PARD3B: variants seen among roughly 807,000 people sequenced by gnomAD.
The protein encoded by PARD3B is par-3 family cell polarity regulator beta, also known as partitioning defective 3 homolog B.
Under a neutral mutation model 130.2 loss-of-function variants are expected in PARD3B, and 103 were observed. That is an observed-to-expected ratio of 0.79 (90% CI 0.67 to 0.93). The LOEUF is 0.93. PARD3B is among the 40% of genes least tolerant of loss of function. The pLI is 0.00. For missense variants in PARD3B, 1,609 were observed against 1,499.2 expected (o/e 1.07, Z -1.21); for synonymous variants, 583 against 553.2 (o/e 1.05, Z -0.76).
intron 1 of PARD3B, among the ~76,000 whole-genome samples, chr2:204,680,622 T>TA (rs1398965616): frequency 2.0e-5 from 3 of 152,236 alleles, no homozygotes; most frequent in Non-Finnish European, 4.4e-5. Context: ...CAATTTTTTT[T>TA]ACTTGTTAAT....
At chr2:205,377,512 C>A (rs2045108464) in intron 18 of PARD3B, among the ~76,000 whole-genome samples, 1 of 151,964 alleles carries the variant, frequency 6.6e-6, no homozygotes, top group African/African-American at 2.4e-5. Flanking sequence ...GGGAAAGAAC[C>A]AGCACCCAGA....
intron 21 of PARD3B, among the ~76,000 whole-genome samples, chr2:205,505,315 C>T (rs1463258744): frequency 1.3e-5 from 2 of 152,024 alleles, no homozygotes; most frequent in African/African-American, 2.4e-5. Flanking sequence ...GGGTGCAGCA[C>T]ACGAACATGG....
intron 3 of PARD3B, among the ~76,000 whole-genome samples, chr2:205,036,443 CTATA>C (rs568692497): frequency 2.8e-5 from 4 of 145,196 alleles, no homozygotes; most frequent in African/African-American, 5.0e-5. Context: ...ATATAGTGGA[CTATA>C]TATATAAAAA....
chr2:205,211,833 C>T (rs947863069), intron 15 of PARD3B, among the ~76,000 whole-genome samples: 2 of 152,118 alleles, frequency 1.3e-5, no homozygotes, highest in African/African-American at 4.8e-5. Flanking sequence ...AATCCCCAGT[C>T]CCCAAACGCT....
rs849111 is a variant in PARD3B at position 205,140,472 on chromosome 2, A to G, written c.1434+14735A>G. Among the ~76,000 whole-genome samples, 1,050 of 149,592 alleles carry G rather than the reference A, an allele frequency of 7.0e-3. 20 individuals are homozygous for G. The highest frequency in any genetic ancestry group is 0.024 in the African/African-American group (992 of 40,724). ...CCAGAGAGTGAAAAAAAAAAAAAAA[A>G]AGGAAGACCGTTCCTTTTTTTTTTT... is the stretch of plus-strand genomic sequence containing the variant. On this transcript the variant is annotated intron_variant, in intron 10 of 22. Transcript: ENST00000406610.
intron 1 of PARD3B, among the ~76,000 whole-genome samples, chr2:204,649,114 T>C (rs1181853204): frequency 1.4e-5 from 2 of 145,936 alleles, no homozygotes; most frequent in Non-Finnish European, 3.0e-5. Flanking sequence ...AAGACAATTT[T>C]AAATCATTGT....
intron 21 of PARD3B, among the ~76,000 whole-genome samples, chr2:205,529,968 G>A (rs2051515197): frequency 6.6e-6 from 1 of 152,060 alleles, no homozygotes; most frequent in Admixed American, 6.6e-5. Context: ...TAGCATGAAC[G>A]AAAAATCATA....
intron 19 of PARD3B, among the ~76,000 whole-genome samples, chr2:205,437,340 T>G (rs1478246708): frequency 6.6e-6 from 1 of 152,178 alleles, no homozygotes; most frequent in African/African-American, 2.4e-5. Flanking sequence ...CTGACAGATA[T>G]GACAGAAATA....
chr2:205,494,100 A>G (rs2049837180), intron 20 of PARD3B, among the ~76,000 whole-genome samples: 1 of 152,022 alleles, frequency 6.6e-6, no homozygotes, highest in African/African-American at 2.4e-5. Context: ...AAATCTGGAC[A>G]CCAGGCTGGT....
At chr2:204,563,551 A>G (rs1475774376) in intron 1 of PARD3B, among the ~76,000 whole-genome samples, 1 of 151,778 alleles carries the variant, frequency 6.6e-6, no homozygotes, top group Non-Finnish European at 1.5e-5. Flanking sequence ...TTACAATGTT[A>G]CTCTCTTTAT....
chr2:205,256,661 T>G (rs2040100197), intron 16 of PARD3B, among the ~76,000 whole-genome samples: 1 of 152,116 alleles, frequency 6.6e-6, no homozygotes, highest in Non-Finnish European at 1.5e-5. Flanking sequence ...ATTTTTAAAC[T>G]TAAACCATCA....
rs559010848 is a variant in PARD3B, at chr2:205,019,127, T to G, written c.395-28454T>G. Among the ~76,000 whole-genome samples, 3 of 152,232 alleles carry G rather than the reference T, an allele frequency of 2.0e-5. No homozygotes were observed. The East Asian group carries it at 5.8e-4, about 29-fold the overall frequency. ...GAAACCCTGTACTTCTTAGCAATAC[T>G]CCCCAATTTCCCTACTGTCCAGCCC... On this transcript the variant is annotated intron_variant, in intron 3 of 22. Transcript: ENST00000406610.
At chr2:205,453,607 T>G (rs1168035226) in intron 20 of PARD3B, among the ~76,000 whole-genome samples, 1 of 152,124 alleles carries the variant, frequency 6.6e-6, no homozygotes, top group Admixed American at 6.5e-5. Flanking sequence ...TCGGCAGAGC[T>G]AAGGTTTCAA....
intron 1 of PARD3B, among the ~76,000 whole-genome samples, chr2:204,565,463 G>GA (rs1451610648): frequency 6.6e-6 from 1 of 152,090 alleles, no homozygotes; most frequent in East Asian, 1.9e-4. Context: ...TGGTCATTTG[G>GA]AAACTATTAG....
intron 1 of PARD3B, among the ~76,000 whole-genome samples, chr2:204,649,696 A>G (rs1262203397): frequency 6.6e-6 from 1 of 152,222 alleles, no homozygotes; most frequent in Admixed American, 6.5e-5. Flanking sequence ...TGCTGCTTGG[A>G]TAACTGGCTA....
chr2:204,892,699 G>C (rs1021264571), intron 2 of PARD3B, among the ~76,000 whole-genome samples: 5 of 152,144 alleles, frequency 3.3e-5, no homozygotes, highest in African/African-American at 1.2e-4. Context: ...GTCAGATTCT[G>C]GGTGTATTGT....
intron 1 of PARD3B, among the ~76,000 whole-genome samples, chr2:204,551,536 T>C (rs1673025522): frequency 6.6e-6 from 1 of 152,144 alleles, no homozygotes. Context: ...CTGGATCTTC[T>C]CTCCCCTCCC....
chr2:204,699,753 C>CTTTCCCAAATGGAAACTTA (rs146514993), intron 2 of PARD3B, among the ~76,000 whole-genome samples: 1 of 152,066 alleles, frequency 6.6e-6, no homozygotes, highest in African/African-American at 2.4e-5. Context: ...TTACATGACT[C>CTTTCCCAAATGGAAACTTA]TTTCCCAAAT....
At chr2:205,379,248 C>T (rs912025930) in intron 18 of PARD3B, among the ~76,000 whole-genome samples, 1 of 152,064 alleles carries the variant, frequency 6.6e-6, no homozygotes, top group Non-Finnish European at 1.5e-5. Flanking sequence ...CTGCCACCAC[C>T]AAAAATGTTA....
Sources: gnomAD v4.1 joint callset for allele counts (sites outside exome capture counted in the v4.1 genomes callset) on GRCh38, gnomAD v4.1.1 for gene constraint, MANE v1.5 for transcripts, NCBI Gene and HGNC (gene_info 2026-07-23, HGNC 2026-07-21) for gene names.